Variants in C8orf89 observed in about 807,000 individuals in gnomAD.
The protein encoded by C8orf89 is chromosome 8 open reading frame 89.
In C8orf89, 14 loss-of-function variants were observed where a neutral mutation model predicts 15.8. The ratio of observed to expected loss-of-function variants is 0.89; its 90% confidence interval spans 0.59 to 1.39. C8orf89 has a LOEUF of 1.39. Among genes scored for constraint, C8orf89 ranks in the 40% most tolerant of loss-of-function variants. The pLI is 0.00. For missense variants in C8orf89, 181 were observed against 184.5 expected (o/e 0.98, Z 0.11); for synonymous variants, 55 against 62.2 (o/e 0.88, Z 0.54).
chr8:73,268,807 A>G, the C8orf89 span, among the ~76,000 whole-genome samples: 3 of 152,270 alleles, frequency 2.0e-5, no homozygotes, highest in East Asian at 5.8e-4. Context: ...TGAGTTGCTA[A>G]TTGTTGCAAT....
In C8orf89 at chr8:73,259,504, G is replaced by A; in HGVS notation, c.-46C>T. The A allele has an allele frequency of 7.2e-7, 1 of 1,391,382 alleles. No individual in the cohort carries two copies. Among genetic ancestry groups the A allele is most frequent in the East Asian group, 2.7e-5 (1 of 36,908 alleles). The allele number at this position is 1,391,382 out of a possible 1,614,324, so 86.2% of individuals were successfully genotyped here. A position where few individuals can be genotyped will look rare whatever the true frequency, so the allele number is the denominator to read the frequency against. On this transcript the variant is annotated 5_prime_UTR_variant, in exon 1 of 4. Coordinates refer to ENST00000624510, the MANE Select transcript of C8orf89 (RefSeq NM_001243237.3). ...CTGATGAGAGGGAGATGCTGCTGCA[G>A]AGACAGGACACAAAATACAAAAAAA...
chr8:73,256,776 A>C, intron 2 of C8orf89, among the ~76,000 whole-genome samples, 197 bp downstream of exon 2: 1 of 149,754 alleles, frequency 6.7e-6, no homozygotes, highest in Non-Finnish European at 1.5e-5. Context: ...TGGTAACATC[A>C]CTCGAAAACA....
At chr8:73,242,989 C>T (rs573280441) in intron 3 of C8orf89, among the ~76,000 whole-genome samples, 4 of 152,192 alleles carry the variant, frequency 2.6e-5, no homozygotes, top group African/African-American at 9.6e-5. Context: ...AAAATGAGAT[C>T]CTGTCATTTG....
At chr8:73,246,010 C>T (rs938650641) in intron 3 of C8orf89, among the ~76,000 whole-genome samples, 2 of 152,070 alleles carry the variant, frequency 1.3e-5, no homozygotes, top group African/African-American at 4.8e-5. Flanking sequence ...CAGACAAGGA[C>T]AGAACAAAAA....
At chr8:73,257,355 A>G (rs138814122) in intron 1 of C8orf89, among the ~76,000 whole-genome samples, 111 of 152,316 alleles carry the variant, frequency 7.3e-4, no homozygotes, top group Admixed American at 3.3e-3. Flanking sequence ...AGGAAAAAGA[A>G]CAGCTTCATG....
the C8orf89 span, among the ~76,000 whole-genome samples, chr8:73,284,774 G>A: frequency 6.6e-6 from 1 of 152,162 alleles, no homozygotes; most frequent in Admixed American, 6.5e-5. Context: ...TATTTCTGAA[G>A]AAATACCATT....
upstream of C8orf89, among the ~76,000 whole-genome samples, chr8:73,263,761 G>A (rs990110154): frequency 4.6e-5 from 7 of 152,146 alleles, no homozygotes; most frequent in East Asian, 1.2e-3. Flanking sequence ...CAATAGGTAA[G>A]TAAATGAATG....
intron 3 of C8orf89, 95 bp from the exon 4 acceptor site, chr8:73,241,700 C>T (rs1488908181): frequency 7.5e-6 from 8 of 1,065,228 alleles, no homozygotes; most frequent in Non-Finnish European, 8.9e-6. Context: ...ATTTCTTCCA[C>T]AAATGACTAT....
At chr8:73,271,022 A>G in the C8orf89 span, among the ~76,000 whole-genome samples, 1 of 152,200 alleles carries the variant, frequency 6.6e-6, no homozygotes, top group Admixed American at 6.5e-5. Context: ...GGTGAGTGAT[A>G]TATTTACATC....
the C8orf89 span, among the ~76,000 whole-genome samples, chr8:73,274,019 AT>A: frequency 6.6e-6 from 1 of 151,388 alleles, no homozygotes; most frequent in Non-Finnish European, 1.5e-5. Flanking sequence ...CGTTCATCTA[AT>A]TTTTTTTACC....
chr8:73,280,889 A>ATTCT, the C8orf89 span, among the ~76,000 whole-genome samples: 6 of 152,052 alleles, frequency 3.9e-5, no homozygotes, highest in Admixed American at 1.3e-4. Context: ...TAAAAAATTC[A>ATTCT]TTCTCTCTAG....
At chr8:73,259,640 T>C (rs567214798), upstream of C8orf89, 134 of 388,922 alleles carry the variant, frequency 3.4e-4, no homozygotes, top group Middle Eastern at 1.0e-3. Flanking sequence ...TTGGGTAATA[T>C]TTTTAAAAGT....
Position 73,250,268 on chromosome 8 carries a change from C to G in C8orf89, c.337G>C (p.Gly113Arg), listed in dbSNP as rs1200085943. The change falls in exon 3 of 4, where the codon GGT (glycine) becomes CGT (arginine). Residue 113 changes from glycine to arginine, a missense_variant and splice_region_variant. Transcript: ENST00000624510. ...TAGAAAAAAGGACGAGTCAGCTTAC[C>G]TTTTGATTTCTCCCAAAGTGGTGCC... ...SVAPLWEKSK[G>R]SGFSDPLTGA... 6.5e-7 allele frequency: 1 copy of G among 1,531,844 alleles called. No individual in the cohort carries two copies. The highest frequency in any genetic ancestry group is 8.7e-7 in the Non-Finnish European group (1 of 1,143,900). The allele number at this position is 1,531,844 out of a possible 1,614,324, so 94.9% of individuals were successfully genotyped here. A position where few individuals can be genotyped will look rare whatever the true frequency, so the allele number is the denominator to read the frequency against.
chr8:73,244,241 C>CTTTGTCAAGTACTTTACATCTAT (rs555887682), intron 3 of C8orf89, among the ~76,000 whole-genome samples: 359 of 152,250 alleles, frequency 2.4e-3, no homozygotes, highest in African/African-American at 8.1e-3. Context: ...GTTGAATGAT[C>CTTTGTCAAGTACTTTACATCTAT]TTTGTCAAGT....
the C8orf89 span, among the ~76,000 whole-genome samples, chr8:73,280,086 G>A: frequency 6.6e-6 from 1 of 152,202 alleles, no homozygotes; most frequent in African/African-American, 2.4e-5. Context: ...AAGTTTTGGA[G>A]AAATTTGTTA....
chr8:73,279,622 T>C, the C8orf89 span, among the ~76,000 whole-genome samples: 1 of 152,246 alleles, frequency 6.6e-6, no homozygotes, highest in East Asian at 1.9e-4. Flanking sequence ...TCCCACATGC[T>C]CTTCCTTCAC....
intron 2 of C8orf89, among the ~76,000 whole-genome samples, chr8:73,253,109 C>G (rs868676289): frequency 5.3e-5 from 8 of 152,322 alleles, no homozygotes; most frequent in Non-Finnish European, 1.2e-4. Flanking sequence ...CGCCACTGCA[C>G]TCCAGCCTGG....
chr8:73,268,011 A>G, the C8orf89 span, among the ~76,000 whole-genome samples: 16 of 152,330 alleles, frequency 1.1e-4, no homozygotes, highest in African/African-American at 3.8e-4. Flanking sequence ...CCTGATTTAG[A>G]GGAATAGAAG....
At chr8:73,259,968 G>A (rs1468972064), upstream of C8orf89, among the ~76,000 whole-genome samples, 1 of 152,150 alleles carries the variant, frequency 6.6e-6, no homozygotes, top group Non-Finnish European at 1.5e-5. Context: ...CATGGGAATG[G>A]TGAGGAGTGA....
Sources: allele counts gnomAD v4.1 joint callset (sites outside exome capture counted in the v4.1 genomes callset), GRCh38; gene constraint gnomAD v4.1.1; transcripts MANE v1.5; gene names NCBI Gene and HGNC (gene_info 2026-07-23, HGNC 2026-07-21).